Variants in ZCCHC7 observed in about 807,000 individuals in gnomAD.
ZCCHC7 encodes zinc finger CCHC domain-containing protein 7.
In ZCCHC7, 35 loss-of-function variants were observed where a neutral mutation model predicts 52.0. That is an observed-to-expected ratio of 0.67 (90% confidence interval 0.51 to 0.89). The LOEUF (loss-of-function observed/expected upper bound fraction) is 0.89. ZCCHC7 is among the 40% of genes least tolerant of loss of function. The pLI is 0.00. For synonymous variants in ZCCHC7, 217 were observed against 221.5 expected (o/e 0.98, Z 0.18); for missense variants, 574 against 649.1 (o/e 0.88, Z 1.26).
intron 5 of ZCCHC7, among the ~76,000 whole-genome samples, chr9:37,323,675 G>T (rs751054037): frequency 6.6e-6 from 1 of 152,108 alleles, no homozygotes; most frequent in African/African-American, 2.4e-5. Context: ...AATCTTAATT[G>T]TATATTTCTA....
chr9:37,338,091 A>G (rs751446620), intron 6 of ZCCHC7, among the ~76,000 whole-genome samples: 1 of 152,152 alleles, frequency 6.6e-6, no homozygotes, highest in Non-Finnish European at 1.5e-5. Context: ...GCATTCAGGA[A>G]GTGAATTACT....
intron 4 of ZCCHC7, 79 bp downstream of exon 4, chr9:37,304,392 G>T: frequency 6.6e-7 from 1 of 1,519,614 alleles, no homozygotes; most frequent in East Asian, 2.4e-5. Flanking sequence ...GGTGGCTCAT[G>T]CCTGTAATCC....
At chr9:37,214,807 T>C (rs1323280936) in intron 2 of ZCCHC7, among the ~76,000 whole-genome samples, 1 of 152,098 alleles carries the variant, frequency 6.6e-6, no homozygotes, top group African/African-American at 2.4e-5. Context: ...TTCCTCAGCA[T>C]TGGTAATAAT....
intron 7 of ZCCHC7, among the ~76,000 whole-genome samples, chr9:37,353,177 T>C (rs1821497082): frequency 6.6e-6 from 1 of 152,212 alleles, no homozygotes; most frequent in African/African-American, 2.4e-5. Flanking sequence ...AAGTTAAATC[T>C]GAAAAGGCAA....
At chr9:37,306,783 T>TTTTTTTTTTC (rs1829344028) in intron 5 of ZCCHC7, among the ~76,000 whole-genome samples, 1 of 88,068 alleles carries the variant, frequency 1.1e-5, no homozygotes, top group Non-Finnish European at 2.2e-5. Flanking sequence ...TTTTTTTTTT[T>TTTTTTTTTTC]TTTTTTTTTT....
chr9:37,126,174 A>G (rs1019172733), intron 1 of ZCCHC7, 138 bp from the exon 2 acceptor site: 2 of 900,290 alleles, frequency 2.2e-6, no homozygotes, highest in African/African-American at 3.3e-5. Context: ...AATCCTTGGA[A>G]AAAAAGGTAT....
intron 2 of ZCCHC7, among the ~76,000 whole-genome samples, chr9:37,169,901 A>T (rs969570441): frequency 2.0e-5 from 3 of 151,990 alleles, no homozygotes. Flanking sequence ...CCATGTCTCT[A>T]CAAAAAATAC....
intron 2 of ZCCHC7, among the ~76,000 whole-genome samples, chr9:37,238,778 A>G (rs1246286950): frequency 1.3e-5 from 2 of 152,192 alleles, no homozygotes; most frequent in Non-Finnish European, 2.9e-5. Context: ...TGTCGAATAA[A>G]TGTGATGGCA....
chr9:37,193,977 G>A (rs142622568), intron 2 of ZCCHC7, among the ~76,000 whole-genome samples: 55 of 152,094 alleles, frequency 3.6e-4, no homozygotes, highest in Admixed American at 9.2e-4. Context: ...CTCTTACAGC[G>A]TTTTCATTAT....
intron 2 of ZCCHC7, among the ~76,000 whole-genome samples, chr9:37,163,937 TTCTC>T (rs1447587344): frequency 3.9e-4 from 60 of 152,200 alleles, no homozygotes; most frequent in African/African-American, 1.4e-3. Context: ...CAATTATCCT[TTCTC>T]TATTGAATTA....
Position 37,272,098 on chromosome 9 carries a change from G to C in ZCCHC7, c.611-30090G>C, listed in dbSNP as rs181579287. ...TAGTGAATGAGTAAGAACACACACA[G>C]ACATTATACAGAGGGGAAGTGTCAT... On this transcript the variant is annotated intron_variant, in intron 2 of 8. Transcript: ENST00000336755. 3.0e-3 allele frequency among the ~76,000 whole-genome samples: 457 copies of C among 152,260 alleles called. 3 individuals are homozygous for C. The highest frequency in any genetic ancestry group is 4.5e-3 in the Non-Finnish European group (303 of 68,024).
At chr9:37,350,492 A>G (rs563539936) in intron 7 of ZCCHC7, among the ~76,000 whole-genome samples, 1 of 152,306 alleles carries the variant, frequency 6.6e-6, no homozygotes, top group South Asian at 2.1e-4. Context: ...AGTTAAGTCT[A>G]CATCACATAC....
intron 2 of ZCCHC7, among the ~76,000 whole-genome samples, chr9:37,297,075 GT>G (rs948825243): frequency 2.6e-5 from 4 of 152,184 alleles, no homozygotes; most frequent in African/African-American, 9.7e-5. Context: ...ATAGGAGACT[GT>G]TTTAGTGATG....
rs769505853 is a variant in ZCCHC7, at chr9:37,126,772, G to T, written c.440G>T (p.Gly147Val). The part of the protein sequence containing the change: ...IEKPKSEERS[G>V]VIREVMIIEV... ...AAGCCTAAATCTGAAGAGAGATCAG[G>T]TGTAATCCGAGAGGTCATGATTATA... Residue 147 changes from glycine (G) to valine (V), a missense_variant, in exon 2 of 9, where the codon GGT becomes GTT. Physicochemically the swap from Gly to Val is moderately radical, Grantham distance 109. This residue lies in a region of ZCCHC7 where 403 missense variants were observed against 461.2 expected (regional missense o/e 0.87). Coordinates refer to ENST00000336755, the MANE Select transcript of ZCCHC7 (RefSeq NM_032226.3). The T allele has an allele frequency of 3.1e-6, 5 of 1,614,178 alleles. No individual in the cohort carries two copies. The highest frequency in any genetic ancestry group is 4.2e-6 in the Non-Finnish European group (5 of 1,180,032).
intron 2 of ZCCHC7, among the ~76,000 whole-genome samples, chr9:37,217,598 A>T (rs967307982): frequency 7.9e-5 from 12 of 152,214 alleles, no homozygotes; most frequent in Non-Finnish European, 1.6e-4. Context: ...CTGAAAAAAA[A>T]TCCGTGTGAT....
intron 2 of ZCCHC7, among the ~76,000 whole-genome samples, chr9:37,260,761 A>G (rs1826826501): frequency 1.3e-5 from 2 of 152,138 alleles, no homozygotes; most frequent in South Asian, 4.1e-4. Context: ...CTTCTTAGTA[A>G]GACTTGATAC....
intron 2 of ZCCHC7, among the ~76,000 whole-genome samples, chr9:37,227,231 T>G (rs1302501737): frequency 6.6e-6 from 1 of 152,126 alleles, no homozygotes; most frequent in African/African-American, 2.4e-5. Context: ...AGGATTTATG[T>G]CTAGAATATG....
rs377529391 is a variant in ZCCHC7, at chr9:37,201,018, T to C, written c.610+74076T>C. ...GGAGAGCACTAATGGGTAGAAACTCTCCTGTGTAACAGGGGCTATGGGAGA... is the reference window on the plus strand; with the variant it reads ...GGAGAGCACTAATGGGTAGAAACTCCCCTGTGTAACAGGGGCTATGGGAGA... On this transcript the variant is annotated intron_variant, in intron 2 of 8. Coordinates refer to ENST00000336755, the MANE Select transcript of ZCCHC7 (RefSeq NM_032226.3). Among the ~76,000 whole-genome samples the C allele has an allele frequency of 2.1e-4, 32 of 152,350 alleles. 1 individual carries two copies. In the East Asian group the frequency reaches 5.2e-3, roughly 25 times the overall value.
At chr9:37,345,717 C>T (rs537950075) in intron 6 of ZCCHC7, among the ~76,000 whole-genome samples, 101 of 129,058 alleles carry the variant, frequency 7.8e-4, no homozygotes, top group Non-Finnish European at 1.5e-3. Flanking sequence ...AAGACTCCAT[C>T]TCAAAAAAAA....
Sources: gnomAD v4.1 joint callset for allele counts (sites outside exome capture counted in the v4.1 genomes callset) on GRCh38, gnomAD v4.1.1 for gene constraint, gnomAD v4.1.1 regional missense constraint, MANE v1.5 for transcripts, NCBI Gene and HGNC (gene_info 2026-07-23, HGNC 2026-07-21) for gene names.